DGKB: variants seen among roughly 807,000 people sequenced by gnomAD.
DGKB encodes the protein diacylglycerol kinase beta.
DGKB carries 67 observed loss-of-function variants against 114.3 expected under a neutral mutation model. The observed-to-expected ratio is 0.59, with a 90% CI of 0.48 to 0.72. The LOEUF (loss-of-function observed/expected upper bound fraction) is 0.72, where lower values mean the gene tolerates loss of function less well. Among genes scored for constraint, DGKB ranks in the 30% least tolerant of loss-of-function variants. The probability of loss-of-function intolerance (pLI) is 0.00; values close to 1 mark genes in which losing one functional copy is unlikely to be tolerated. For synonymous variants in DGKB, 398 were observed against 323.1 expected (o/e 1.23, Z -2.49); for missense variants, 907 against 975.2 (o/e 0.93, Z 0.93).
chr7:14,418,141 A>G (rs982343585), intron 21 of DGKB, among the ~76,000 whole-genome samples: 7 of 145,810 alleles, frequency 4.8e-5, no homozygotes, highest in African/African-American at 1.7e-4. Context: ...TATATATTTT[A>G]TATATAAATT....
At chr7:14,571,635 T>A (rs1193766305) in intron 20 of DGKB, among the ~76,000 whole-genome samples, 3 of 152,216 alleles carry the variant, frequency 2.0e-5, no homozygotes, top group African/African-American at 7.2e-5. Context: ...CCTAGTTATC[T>A]ACACATCCTT....
intron 2 of DGKB, among the ~76,000 whole-genome samples, chr7:14,801,925 T>TACACACACACAC (rs142456381): frequency 1.0e-4 from 15 of 147,958 alleles, no homozygotes; most frequent in Non-Finnish European, 1.6e-4. Context: ...TATATACATA[T>TACACACACACAC]ACACACACAC....
intron 25 of DGKB, among the ~76,000 whole-genome samples, chr7:14,172,185 TA>T (rs1781104085): frequency 1.3e-5 from 2 of 152,038 alleles, no homozygotes; most frequent in South Asian, 4.1e-4. Context: ...AAAGACTTTT[TA>T]AAAAGTAAGA....
intron 9 of DGKB, among the ~76,000 whole-genome samples, chr7:14,689,075 A>G (rs1185171010): frequency 6.6e-6 from 1 of 151,932 alleles, no homozygotes; most frequent in African/African-American, 2.4e-5. Context: ...ATAGAGAGAG[A>G]GAGGAGCTAA....
At chr7:14,433,718 A>C (rs1031616211) in intron 21 of DGKB, among the ~76,000 whole-genome samples, 1 of 152,182 alleles carries the variant, frequency 6.6e-6, no homozygotes, top group Non-Finnish European at 1.5e-5. Context: ...TTAAGGATCT[A>C]ATTAAGGGTA....
chr7:14,163,544 G>A (rs1402111453), intron 25 of DGKB, among the ~76,000 whole-genome samples: 5 of 152,122 alleles, frequency 3.3e-5, no homozygotes, highest in Admixed American at 2.0e-4. Flanking sequence ...GGTGCTTTTA[G>A]TTTATGTTTT....
chr7:14,583,035 G>A lies in DGKB; in HGVS notation c.1519+17C>T, dbSNP rs753514964. On this transcript the variant is annotated intron_variant, in intron 18 of 25. Coordinates refer to ENST00000402815, the MANE Select transcript of DGKB (RefSeq NM_001350709.2). ...ATTGCTCTCTCCCCAGCCATATTAA[G>A]TATGTGTCTGCATTACCTATGCAAT... The A allele has an allele frequency of 6.5e-6, 10 of 1,536,126 alleles. No homozygotes were observed. The East Asian group carries it at 2.0e-4, about 31-fold the overall frequency.
At chr7:14,451,545 G>GTCTCTC (rs34641587) in intron 21 of DGKB, among the ~76,000 whole-genome samples, 4,285 of 141,116 alleles carry the variant, frequency 0.03, 59 homozygotes, top group Middle Eastern at 0.055. Context: ...CTCTCTATCT[G>GTCTCTC]TCTCTCTCTC....
chr7:14,751,743 C>T (rs1639239), intron 4 of DGKB, among the ~76,000 whole-genome samples: 54,115 of 151,982 alleles, frequency 0.36, 13,327 homozygotes, highest in African/African-American at 0.69. Context: ...AAGGAAATTA[C>T]TTTTGAATGC....
chr7:14,645,557 T>C (rs531829893), intron 13 of DGKB, among the ~76,000 whole-genome samples: 9 of 152,024 alleles, frequency 5.9e-5, no homozygotes, highest in South Asian at 4.1e-4. Flanking sequence ...AGGCACATTA[T>C]AGTCAAACAG....
At chr7:14,370,705 G>A (rs1421299818) in intron 21 of DGKB, among the ~76,000 whole-genome samples, 2 of 152,084 alleles carry the variant, frequency 1.3e-5, no homozygotes, top group Non-Finnish European at 2.9e-5. Flanking sequence ...GAGGGCACGT[G>A]GATGTCTGTT....
intron 1 of DGKB, among the ~76,000 whole-genome samples, chr7:14,894,650 T>C (rs1781825706): frequency 6.6e-6 from 1 of 151,562 alleles, no homozygotes; most frequent in Non-Finnish European, 1.5e-5. Flanking sequence ...TGATATTATC[T>C]TTTTGATAAT....
intron 20 of DGKB, among the ~76,000 whole-genome samples, chr7:14,488,856 A>C (rs76643732): frequency 1.9e-5 from 2 of 106,546 alleles, no homozygotes; most frequent in Non-Finnish European, 3.7e-5. Context: ...AAAAAACAAA[A>C]AAAACCCAAC....
At chr7:14,647,812 C>T (rs913810997) in intron 13 of DGKB, among the ~76,000 whole-genome samples, 6 of 152,322 alleles carry the variant, frequency 3.9e-5, no homozygotes, top group African/African-American at 7.2e-5. Flanking sequence ...CGAAGCAGGG[C>T]GAGGCATTGC....
At chr7:14,618,519 G>A (rs749231993) in intron 15 of DGKB, among the ~76,000 whole-genome samples, 26 of 151,746 alleles carry the variant, frequency 1.7e-4, no homozygotes, top group Non-Finnish European at 3.3e-4. Context: ...TTCTTCACAT[G>A]TGGGAGAGCC....
intron 2 of DGKB, among the ~76,000 whole-genome samples, chr7:14,818,115 GATTATAAT>G (rs1018665977): frequency 3.3e-5 from 5 of 152,066 alleles, no homozygotes; most frequent in Non-Finnish European, 5.9e-5. Flanking sequence ...AATCCCAGAA[GATTATAAT>G]GTGAATTCTT....
At chr7:14,381,776 C>T (rs575809246) in intron 21 of DGKB, among the ~76,000 whole-genome samples, 1 of 152,276 alleles carries the variant, frequency 6.6e-6, no homozygotes, top group East Asian at 1.9e-4. Flanking sequence ...TGCCCAGCTT[C>T]CTCCTGTCTC....
At chr7:14,941,495 G>C (rs1785569559) in intron 1 of DGKB, among the ~76,000 whole-genome samples, 1 of 151,980 alleles carries the variant, frequency 6.6e-6, no homozygotes, top group East Asian at 1.9e-4. Flanking sequence ...TAATTAAATG[G>C]GTTTCATACA....
At chr7:14,418,741 G>A (rs563345135) in intron 21 of DGKB, among the ~76,000 whole-genome samples, 2 of 151,970 alleles carry the variant, frequency 1.3e-5, no homozygotes, top group Admixed American at 1.3e-4. Flanking sequence ...AATTTCATTA[G>A]CATTGTTACC....
Sources: gnomAD v4.1 joint callset for allele counts (sites outside exome capture counted in the v4.1 genomes callset) on GRCh38, gnomAD v4.1.1 for gene constraint, MANE v1.5 for transcripts, NCBI Gene and HGNC (gene_info 2026-07-23, HGNC 2026-07-21) for gene names.